The following LCA5 variants were observed in gnomAD, a reference collection of about 807,000 sequenced individuals.
LCA5 encodes lebercilin LCA5.
A neutral mutation model predicts 53.0 loss-of-function variants in LCA5; 37 were observed. That is an observed-to-expected ratio of 0.70 (90% CI 0.54 to 0.92). The LOEUF (loss-of-function observed/expected upper bound fraction) is 0.92. LCA5 is among the 40% of genes least tolerant of loss of function. LCA5 has a pLI of 0.00. For missense variants in LCA5, 806 were observed against 790.5 expected, an observed-to-expected ratio of 1.02 and a Z score of -0.23; for synonymous variants, 303 against 282.9, an observed-to-expected ratio of 1.07 and a Z score of -0.71.
At position 79,523,061 on chromosome 6, in the gene LCA5, GA is replaced by G. The variant is rs540381628; in HGVS notation, c.-191-3977del. 2.3e-4 allele frequency among the ~76,000 whole-genome samples: 35 copies of G among 152,250 alleles called. 1 individual carries two copies. In the South Asian group the frequency reaches 6.4e-3, roughly 28 times the overall value. ...CTGTGAGTTGATGATTATGTAAACT[GA>G]TAGAAGACTTTTGAATTAATTATTC... On this transcript the variant is annotated intron_variant, in intron 1 of 7. Coordinates refer to ENST00000369846, the MANE Select transcript of LCA5 (RefSeq NM_001122769.3).
intron 6 of LCA5, 41 bp downstream of exon 6, chr6:79,491,547 T>C (rs1769842196): frequency 2.5e-6 from 4 of 1,606,588 alleles, no homozygotes; most frequent in Non-Finnish European, 3.4e-6. Flanking sequence ...TAGGAATAAC[T>C]TCAGACCGAG....
chr6:79,532,933 T>A (rs2127691120), intron 1 of LCA5, among the ~76,000 whole-genome samples: 1 of 152,290 alleles, frequency 6.6e-6, no homozygotes, highest in Admixed American at 6.5e-5. Context: ...TTCCATTTTA[T>A]AAAATTTTCC....
chr6:79,533,758 A>C (rs1483839533), intron 1 of LCA5, among the ~76,000 whole-genome samples: 1 of 151,834 alleles, frequency 6.6e-6, no homozygotes, highest in African/African-American at 2.4e-5. Flanking sequence ...TATCATAATG[A>C]TATCTAATTC....
intron 7 of LCA5, chr6:79,488,106 G>A (rs1412885631): frequency 2.1e-6 from 1 of 467,254 alleles, no homozygotes; most frequent in African/African-American, 2.0e-5. Context: ...ATACTGGTGG[G>A]GAAGAAAGGT....
At chr6:79,528,700 G>A (rs1374848147) in intron 1 of LCA5, among the ~76,000 whole-genome samples, 1 of 152,098 alleles carries the variant, frequency 6.6e-6, no homozygotes, top group Non-Finnish European at 1.5e-5. Flanking sequence ...TAAGAATGTG[G>A]ATTAGATTAA....
intron 3 of LCA5, among the ~76,000 whole-genome samples, chr6:79,504,741 A>C (rs1052371370): frequency 6.6e-6 from 1 of 152,154 alleles, no homozygotes; most frequent in Admixed American, 6.6e-5. Context: ...TCATATTATG[A>C]TATATCTACA....
At chr6:79,522,330 C>G (rs1389401653) in intron 1 of LCA5, among the ~76,000 whole-genome samples, 1 of 151,992 alleles carries the variant, frequency 6.6e-6, no homozygotes, top group Non-Finnish European at 1.5e-5. Context: ...AGAAAAGTAA[C>G]AGCCAGACAC....
intron 3 of LCA5, among the ~76,000 whole-genome samples, chr6:79,506,155 A>T (rs553691506): frequency 6.6e-6 from 1 of 152,264 alleles, no homozygotes. Flanking sequence ...GTATGATGAT[A>T]CTCAAGCATT....
At chr6:79,509,350 A>T (rs1770349532) in intron 3 of LCA5, among the ~76,000 whole-genome samples, 1 of 150,910 alleles carries the variant, frequency 6.6e-6, no homozygotes, top group African/African-American at 2.4e-5. Context: ...GCTACTCAGG[A>T]GGCTGAGGCA....
chr6:79,520,906 TAGA>T (rs1351571753), intron 1 of LCA5, among the ~76,000 whole-genome samples: 2 of 152,062 alleles, frequency 1.3e-5, no homozygotes, highest in African/African-American at 4.8e-5. Context: ...TATATTTAAG[TAGA>T]AGGAGAAATC....
At chr6:79,497,467 T>A (rs1770013155) in intron 3 of LCA5, among the ~76,000 whole-genome samples, 1 of 152,212 alleles carries the variant, frequency 6.6e-6, no homozygotes, top group Admixed American at 6.5e-5. Context: ...AAACCTCATC[T>A]ATACACAATG....
intron 3 of LCA5, among the ~76,000 whole-genome samples, chr6:79,505,608 GAA>G (rs1415244286): frequency 6.6e-6 from 1 of 152,142 alleles, no homozygotes; most frequent in Admixed American, 6.6e-5. Context: ...GAGGTAAGGA[GAA>G]CTGTACAAAC....
At chr6:79,495,505 A>T (rs1217238326) in intron 3 of LCA5, among the ~76,000 whole-genome samples, 2 of 151,800 alleles carry the variant, frequency 1.3e-5, no homozygotes, top group Non-Finnish European at 2.9e-5. Context: ...TAATCCCAGC[A>T]CTCTGGGAGG....
At chr6:79,524,565 T>C (rs1043889106) in intron 1 of LCA5, among the ~76,000 whole-genome samples, 6 of 152,200 alleles carry the variant, frequency 3.9e-5, no homozygotes, top group African/African-American at 1.4e-4. Flanking sequence ...CATGTTACAG[T>C]CACTCTTTTA....
intron 1 of LCA5, among the ~76,000 whole-genome samples, chr6:79,523,338 A>G (rs985491181): frequency 8.7e-5 from 13 of 148,982 alleles, no homozygotes; most frequent in African/African-American, 3.4e-4. Flanking sequence ...AATTGTCTAG[A>G]AAAAAAGGAT....
chr6:79,519,116 T>A lies in LCA5; in HGVS notation c.-191-31A>T, dbSNP rs546427551. On this transcript the variant is annotated intron_variant, in intron 1 of 7. Transcript: ENST00000369846. ...ATTAAGGAAGGGGAAAGGAGACTTA[T>A]CATACAGTCTCTACAGTTTCTACAG... 8 of 586,570 alleles carry A rather than the reference T, an allele frequency of 1.4e-5. No individual in the cohort carries two copies. In the East Asian group the frequency reaches 2.1e-4, roughly 15 times the overall value. The allele number at this position is 586,570 out of a possible 1,614,324, so 36.3% of individuals were successfully genotyped here.
At chr6:79,517,833 G>A (rs1766484979) in intron 2 of LCA5, among the ~76,000 whole-genome samples, 1 of 152,096 alleles carries the variant, frequency 6.6e-6, no homozygotes, top group Non-Finnish European at 1.5e-5. Flanking sequence ...CAAAAACAGA[G>A]TCAATACATT....
At chr6:79,489,017 G>A (rs756650175) in intron 7 of LCA5, 67 bp downstream of exon 7, 2 of 1,556,290 alleles carry the variant, frequency 1.3e-6, no homozygotes, top group Non-Finnish European at 1.8e-6. Context: ...GATATTAGAA[G>A]ACGCTCACTC....
chr6:79,489,641 C>T (rs941570158), intron 6 of LCA5, among the ~76,000 whole-genome samples: 6 of 152,038 alleles, frequency 3.9e-5, no homozygotes, highest in African/African-American at 1.4e-4. Context: ...ATGTCCAACC[C>T]CCAATTAATA....
Sources: gnomAD v4.1 joint callset for allele counts (sites outside exome capture counted in the v4.1 genomes callset) on GRCh38, gnomAD v4.1.1 for gene constraint, MANE v1.5 for transcripts, NCBI Gene and HGNC (gene_info 2026-07-23, HGNC 2026-07-21) for gene names.